The following SCARF2 variants were observed in gnomAD, a reference collection of about 807,000 sequenced individuals.
SCARF2 encodes the protein scavenger receptor class F member 2.
A neutral mutation model predicts 73.4 loss-of-function variants in SCARF2; 39 were observed. The observed-to-expected ratio is 0.53, with a 90% CI of 0.41 to 0.69. The LOEUF (loss-of-function observed/expected upper bound fraction) is 0.69. SCARF2 is among the 30% of genes least tolerant of loss of function. The pLI is 0.00. For missense variants in SCARF2, 1,148 were observed against 1,303.5 expected, an observed-to-expected ratio of 0.88 and a Z score of 1.84; for synonymous variants, 605 against 590.0, an observed-to-expected ratio of 1.03 and a Z score of -0.37.
At position 20,435,019 on chromosome 22, in the gene SCARF2, AG is replaced by A. The variant is rs1198601101; in HGVS notation, c.173+2562del. ...ACACTGACAACACCTTGGACCCTCC[AG>A]CAGGGCTCTCCCCATCAATGCTAGA... On this transcript the variant is annotated intron_variant, in intron 1 of 10. Coordinates refer to ENST00000622235, the MANE Select transcript of SCARF2 (RefSeq NM_182895.5). Among the ~76,000 whole-genome samples the A allele has an allele frequency of 9.2e-5, 14 of 152,300 alleles. No homozygotes were observed. The East Asian group carries it at 2.5e-3, about 27-fold the overall frequency.
rs770130348 is a variant in SCARF2 at position 20,429,666 on chromosome 22, A to G, written c.1307-13T>C. Reference sequence around the variant, plus strand: ...CGCTGGTTGGTTTCTGTAGGGGGTTATGGGGTCAGCGCGGTTTCTGGCACC... The same window carrying G: ...CGCTGGTTGGTTTCTGTAGGGGGTTGTGGGGTCAGCGCGGTTTCTGGCACC... On this transcript the variant is annotated splice_polypyrimidine_tract_variant and intron_variant, in intron 7 of 10. Transcript: ENST00000622235. This position sits in a 1 kb window ranked among gnomAD's most constrained non-coding sequence, Gnocchi z 5.2. 6.2e-7 allele frequency: 1 copy of G among 1,613,912 alleles called. No homozygotes were observed. The highest frequency in any genetic ancestry group is 8.5e-7 in the Non-Finnish European group (1 of 1,179,902).
intron 1 of SCARF2, among the ~76,000 whole-genome samples, chr22:20,437,011 T>G (rs2052707669): frequency 6.6e-6 from 1 of 152,114 alleles, no homozygotes; most frequent in Non-Finnish European, 1.5e-5. Context: ...TCATAGTCCT[T>G]CCGCCTCCCG....
rs557625121 is a variant in SCARF2, at chr22:20,431,002, G to A, written c.854+16C>T. The A allele has an allele frequency of 1.8e-5, 28 of 1,564,320 alleles. No homozygotes were observed. Among genetic ancestry groups the A allele is most frequent in the East Asian group, 2.4e-5 (1 of 42,318 alleles). On this transcript the variant is annotated intron_variant, in intron 4 of 10. Transcript: ENST00000622235. ...CCTTCCACCTCCTCCCTCCCTGGCC[G>A]AGAGACCGCGCTTACCGGCGGCGAC... is the stretch of plus-strand genomic sequence containing the variant.
chr22:20,425,932 AG>A lies in SCARF2; in HGVS notation c.2043del (p.Ser682HisfsTer257). 1 of 1,596,024 alleles carries A rather than the reference AG, an allele frequency of 6.3e-7. No homozygotes were observed. ...GCCTCGGAGCCTGGCGGCGGTGGTG[AG>A]GGCGCACGGCCAGCTGCAGCGGCGC... ...KHSAAAAGRAPSPPPPGSEAA... is the reference protein window; with the variant it reads ...KHSAAAAGRAXSPPPPGSEAA... On this transcript the variant is annotated frameshift_variant, in exon 11 of 11. Coordinates refer to ENST00000622235, the MANE Select transcript of SCARF2 (RefSeq NM_182895.5). LOFTEE classifies it low-confidence loss of function (END_TRUNC). This position sits in a 1 kb window ranked among gnomAD's most constrained non-coding sequence, Gnocchi z 4.6.
intron 1 of SCARF2, among the ~76,000 whole-genome samples, chr22:20,434,909 C>T (rs1003708461): frequency 6.6e-6 from 1 of 152,174 alleles, no homozygotes; most frequent in Non-Finnish European, 1.5e-5. Flanking sequence ...TCCTGCTGCC[C>T]CGCCTGGACA....
intron 1 of SCARF2, among the ~76,000 whole-genome samples, chr22:20,436,739 T>C (rs2052704503): frequency 6.6e-6 from 1 of 152,092 alleles, no homozygotes; most frequent in South Asian, 2.1e-4. Context: ...CACCCCTGCG[T>C]GGAGATGCCC....
Position 20,425,528 on chromosome 22 carries a change from G to A in SCARF2, c.2448C>T (p.Pro816=), listed in dbSNP as rs1028378422. The A allele has an allele frequency of 3.0e-5, 40 of 1,345,564 alleles. No individual in the cohort carries two copies. Among genetic ancestry groups the A allele is most frequent in the Non-Finnish European group, 3.6e-5 (38 of 1,051,506 alleles). The allele number at this position is 1,345,564 out of a possible 1,614,324, so 83.4% of individuals were successfully genotyped here. A position where few individuals can be genotyped will look rare whatever the true frequency, so the allele number is the denominator to read the frequency against. ...CAGGCCCCGGGGTTTCGGTCGCTGG[G>A]GGCGCGCGGGCGGGCGAGGCTGGCG... ...SVPPASPARA[P]PATETPGPEK... is the part of the protein sequence containing the mutation. Residue 816 remains proline (P), a synonymous_variant, in exon 11 of 11, where the codon CCC becomes CCT. Transcript: ENST00000622235. This position sits in a 1 kb window ranked among gnomAD's most constrained non-coding sequence, Gnocchi z 4.6.
chr22:20,431,258 C>T lies in SCARF2; in HGVS notation c.614G>A (p.Gly205Asp). 6.5e-7 allele frequency: 1 copy of T among 1,548,594 alleles called. No individual in the cohort carries two copies. The highest frequency in any genetic ancestry group is 8.7e-7 in the Non-Finnish European group (1 of 1,155,366). Reference sequence around the variant, plus strand: ...GTTGTTGCAGCTGCGGCCCCACCAGCCTGCGTGGCACAGGCAGGCGCCGGT... The same window carrying T: ...GTTGTTGCAGCTGCGGCCCCACCAGTCTGCGTGGCACAGGCAGGCGCCGGT... ...PQTGACLCHAGWWGRSCNNQC... is the reference protein window; with the variant it reads ...PQTGACLCHADWWGRSCNNQC... Residue 205 changes from glycine (G) to aspartate (D), a missense_variant, in exon 4 of 11, where the codon GGC becomes GAC. Transcript: ENST00000622235.
Position 20,429,601 on chromosome 22 carries a change from G to C in SCARF2, c.1359C>G (p.Leu453=). 1 of 1,613,568 alleles carries C rather than the reference G, an allele frequency of 6.2e-7. No homozygotes were observed. Among genetic ancestry groups the C allele is most frequent in the Non-Finnish European group, 8.5e-7 (1 of 1,179,914 alleles). ...VMGAGALLVL[L]VCLLLSLLGC... ...CGAGCAGCGAGAGCAGCAGGCAGAC[G>C]AGCAGGACGAGCAGCGCGCCCGCGC... is the stretch of plus-strand genomic sequence containing the variant. Residue 453 remains leucine (L), a synonymous_variant, in exon 8 of 11, where the codon CTC becomes CTG. Transcript: ENST00000622235. The surrounding 1 kb of genome is among the most constrained non-coding windows in gnomAD (Gnocchi z 5.2).
intron 1 of SCARF2, 74 bp from the exon 2 acceptor site, chr22:20,432,062 C>T: frequency 4.1e-6 from 6 of 1,461,190 alleles, no homozygotes; most frequent in South Asian, 1.2e-5. Context: ...TCCTCCGCAG[C>T]CTCCGCACAG....
intron 9 of SCARF2, among the ~76,000 whole-genome samples, chr22:20,428,429 A>C (rs2052604845): frequency 6.6e-6 from 1 of 151,896 alleles, no homozygotes. Flanking sequence ...CTCAGCCTCC[A>C]GAGTAGCTGG....
intron 4 of SCARF2, 50 bp from the exon 5 acceptor site, chr22:20,430,958 G>C: frequency 6.4e-7 from 1 of 1,564,380 alleles, no homozygotes; most frequent in South Asian, 1.2e-5. Context: ...CCTCACCCCT[G>C]TCCCCATCGG....
chr22:20,430,498 T>G lies in SCARF2; in HGVS notation c.1133A>C (p.Asp378Ala). The G allele has an allele frequency of 1.9e-6, 3 of 1,603,228 alleles. No homozygotes were observed. Among genetic ancestry groups the G allele is most frequent in the Non-Finnish European group, 2.6e-6 (3 of 1,175,662 alleles). Residue 378 changes from aspartate (D) to alanine (A), a missense_variant, in exon 6 of 11, where the codon GAC becomes GCC. Transcript: ENST00000622235. Reference protein sequence around the residue: ...YGEDCAFVCADCGSGHCDFQS... With the variant: ...YGEDCAFVCAACGSGHCDFQS... ...GAAGTCGCAGTGTCCGCTGCCGCAGTCGGCGCACACGAAGGCGCAGTCCTC... is the reference window on the plus strand; with the variant it reads ...GAAGTCGCAGTGTCCGCTGCCGCAGGCGGCGCACACGAAGGCGCAGTCCTC...
At chr22:20,436,641 C>G (rs1401217083) in intron 1 of SCARF2, among the ~76,000 whole-genome samples, 1 of 152,154 alleles carries the variant, frequency 6.6e-6, no homozygotes, top group African/African-American at 2.4e-5. Context: ...CGACGCGACC[C>G]AGCTCGGAGC....
chr22:20,429,938 C>A lies in SCARF2; in HGVS notation c.1203-105G>T. On this transcript the variant is annotated intron_variant, in intron 6 of 10. Transcript: ENST00000622235. The surrounding 1 kb of genome is among the most constrained non-coding windows in gnomAD (Gnocchi z 5.2). ...GGCCCAGGGTCCAGGGTCCCAGAACCGGGCTCTCTCTCGCTGCATTCGTCG... is the reference window on the plus strand; with the variant it reads ...GGCCCAGGGTCCAGGGTCCCAGAACAGGGCTCTCTCTCGCTGCATTCGTCG... The A allele has an allele frequency of 9.0e-7, 1 of 1,111,736 alleles. No individual in the cohort carries two copies. The highest frequency in any genetic ancestry group is 1.4e-5 in the South Asian group (1 of 72,912). 68.9% of individuals were successfully genotyped at this position (1,111,736 alleles called of 1,614,324 possible).
Position 20,429,511 on chromosome 22 carries a change from A to G in SCARF2, c.1424+25T>C. 6.2e-7 allele frequency: 1 copy of G among 1,610,594 alleles called. No homozygotes were observed. The highest frequency in any genetic ancestry group is 8.5e-7 in the Non-Finnish European group (1 of 1,179,204). ...AGAGGGTGCGGCCTGAACCCAGGCG[A>G]AAGCGGGGCAGTATCTGGGCTCACC... On this transcript the variant is annotated intron_variant, in intron 8 of 10. Coordinates refer to ENST00000622235, the MANE Select transcript of SCARF2 (RefSeq NM_182895.5). The surrounding 1 kb of genome is among the most constrained non-coding windows in gnomAD (Gnocchi z 5.2).
At position 20,429,359 on chromosome 22, in the gene SCARF2, A is replaced by G. The variant is rs1210128843; in HGVS notation, c.1425-19T>C. 3.7e-6 allele frequency: 4 copies of G among 1,093,010 alleles called. No homozygotes were observed. The highest frequency in any genetic ancestry group is 2.1e-5 in the Admixed American group (1 of 47,894). The allele number at this position is 1,093,010 out of a possible 1,614,324, so 67.7% of individuals were successfully genotyped here. A position where few individuals can be genotyped will look rare whatever the true frequency, so the allele number is the denominator to read the frequency against. On this transcript the variant is annotated intron_variant, in intron 8 of 10. Transcript: ENST00000622235. This position sits in a 1 kb window ranked among gnomAD's most constrained non-coding sequence, Gnocchi z 5.2. ...AAGCTCCCTGCGGGGGCGGGGTCTG[A>G]GCGGAGGGGCGGGGCCGGGGCGGGG...
chr22:20,425,912 G>C lies in SCARF2; in HGVS notation c.2064C>G (p.Ser688=). 6.3e-7 allele frequency: 1 copy of C among 1,597,888 alleles called. No individual in the cohort carries two copies. The highest frequency in any genetic ancestry group is 1.7e-5 in the Admixed American group (1 of 59,138). ...GRAPSPPPPG[S]EAAPSPSKRK... is the part of the protein sequence containing the mutation. The stretch of plus-strand genomic sequence containing the variant: ...TCTTGCTGGGGCTGGGCGCGGCCTC[G>C]GAGCCTGGCGGCGGTGGTGAGGGCG... The change falls in exon 11 of 11, where the codon TCC becomes TCG. Residue 688 remains serine (S), a synonymous_variant. Coordinates refer to ENST00000622235, the MANE Select transcript of SCARF2 (RefSeq NM_182895.5). This position sits in a 1 kb window ranked among gnomAD's most constrained non-coding sequence, Gnocchi z 4.6.
intron 9 of SCARF2, among the ~76,000 whole-genome samples, chr22:20,428,871 C>T (rs967947642): frequency 6.6e-6 from 1 of 152,104 alleles, no homozygotes; most frequent in African/African-American, 2.4e-5. Flanking sequence ...CCCGTGGCCA[C>T]GCATTCCCCC....
Sources: gnomAD v4.1 joint callset for allele counts (sites outside exome capture counted in the v4.1 genomes callset) on GRCh38, gnomAD v4.1.1 for gene constraint, Gnocchi (gnomAD v3.1) non-coding constraint, MANE v1.5 for transcripts, NCBI Gene and HGNC (gene_info 2026-07-23, HGNC 2026-07-21) for gene names.